Variants in PDZD2 observed in about 807,000 individuals in gnomAD.
PDZD2 encodes PDZ domain-containing protein 2.
Under a neutral mutation model 220.7 loss-of-function variants are expected in PDZD2, and 90 were observed. The ratio of observed to expected loss-of-function variants is 0.41; its 90% CI spans 0.34 to 0.49. The LOEUF is 0.49. PDZD2 is among the 20% of genes least tolerant of loss of function. PDZD2 has a pLI of 0.28. For synonymous variants in PDZD2, 1,375 were observed against 1,450.5 expected (o/e 0.95, Z 1.18); for missense variants, 3,174 against 3,608.5 (o/e 0.88, Z 3.08).
In PDZD2 at chr5:31,876,112, A is replaced by G. The variant is rs139100639; in HGVS notation, c.476+76388A>G. The stretch of plus-strand genomic sequence containing the variant: ...AAGGTTTATCACTTCATTAATCCAA[A>G]TATTCTTTTGTATCCTTCAATAAAG... On this transcript the variant is annotated intron_variant, in intron 2 of 24. Coordinates refer to ENST00000438447, the MANE Select transcript of PDZD2 (RefSeq NM_178140.4). 9.2e-5 allele frequency among the ~76,000 whole-genome samples: 14 copies of G among 152,128 alleles called. No homozygotes were observed. In the East Asian group the frequency reaches 2.3e-3, roughly 25 times the overall value.
At chr5:31,957,475 A>G (rs1747820192) in intron 2 of PDZD2, among the ~76,000 whole-genome samples, 1 of 152,194 alleles carries the variant, frequency 6.6e-6, no homozygotes, top group Non-Finnish European at 1.5e-5. Flanking sequence ...AAAATCAGAA[A>G]ATAATTGCTT....
chr5:31,640,288 A>T (rs1744898577), intron 1 of PDZD2, among the ~76,000 whole-genome samples: 1 of 152,196 alleles, frequency 6.6e-6, no homozygotes, highest in Admixed American at 6.5e-5. Context: ...GAGTGGGAAG[A>T]GGACAAGGTC....
intron 6 of PDZD2, among the ~76,000 whole-genome samples, chr5:32,016,262 C>G (rs1045189862): frequency 2.0e-5 from 3 of 152,116 alleles, no homozygotes; most frequent in African/African-American, 7.2e-5. Flanking sequence ...GATCAAATGT[C>G]CGCTCTAAAT....
intron 2 of PDZD2, among the ~76,000 whole-genome samples, chr5:31,935,349 C>G (rs1234415587): frequency 6.6e-6 from 1 of 152,156 alleles, no homozygotes; most frequent in East Asian, 1.9e-4. Context: ...ATAATAGAAA[C>G]TACTATATAT....
intron 2 of PDZD2, among the ~76,000 whole-genome samples, chr5:31,832,243 T>G (rs1245696453): frequency 1.3e-5 from 2 of 152,080 alleles, no homozygotes; most frequent in Admixed American, 1.3e-4. Flanking sequence ...GAAAATGAAA[T>G]GGAAGTTACC....
intron 1 of PDZD2, among the ~76,000 whole-genome samples, chr5:31,658,109 G>A (rs1029774686): frequency 1.3e-5 from 2 of 152,150 alleles, no homozygotes; most frequent in African/African-American, 4.8e-5. Flanking sequence ...TGTTTGGATT[G>A]GTGCAATCGC....
intron 2 of PDZD2, among the ~76,000 whole-genome samples, chr5:31,902,148 T>C (rs970343140): frequency 2.0e-5 from 3 of 152,236 alleles, no homozygotes; most frequent in African/African-American, 7.2e-5. Context: ...GTTTAACATT[T>C]TGAAGAACTG....
intron 2 of PDZD2, among the ~76,000 whole-genome samples, chr5:31,904,616 C>T (rs1224333660): frequency 1.3e-5 from 2 of 152,086 alleles, no homozygotes; most frequent in African/African-American, 2.4e-5. Context: ...CAAGCTCCGC[C>T]TCCTGGGTTC....
At chr5:31,880,799 T>TTTTTTTC (rs1739812462) in intron 2 of PDZD2, among the ~76,000 whole-genome samples, 13 of 43,908 alleles carry the variant, frequency 3.0e-4, no homozygotes, top group African/African-American at 1.8e-4. Context: ...TTCTTTTTTT[T>TTTTTTTC]TTTTTTTTTT....
chr5:31,821,632 G>A (rs1183058014), intron 2 of PDZD2, among the ~76,000 whole-genome samples: 1 of 152,110 alleles, frequency 6.6e-6, no homozygotes, highest in Non-Finnish European at 1.5e-5. Context: ...ACCCGCCTCG[G>A]CCTCCCAAAG....
intron 1 of PDZD2, among the ~76,000 whole-genome samples, chr5:31,697,026 C>T (rs760625689): frequency 3.9e-5 from 6 of 152,196 alleles, no homozygotes; most frequent in Non-Finnish European, 7.3e-5. Context: ...TTTAATTGTG[C>T]TCATAGGGGC....
At position 32,037,248 on chromosome 5, in the gene PDZD2, A is replaced by T; in HGVS notation, c.1425A>T (p.Glu475Asp). The change falls in exon 7 of 25, where the codon GAA becomes GAT. Residue 475 changes from glutamate to aspartate, a missense_variant. Glu to Asp is a conservative substitution (Grantham distance 45). Transcript: ENST00000438447. ...CATTTCAGATGCCTGGGACAGATGAACCCCAAGATGTGTGCGGTGCTGAGG... is the reference window on the plus strand; with the variant it reads ...CATTTCAGATGCCTGGGACAGATGATCCCCAAGATGTGTGCGGTGCTGAGG... ...SVQRAMPGTD[E>D]PQDVCGAEES... 1 of 1,612,768 alleles carries T rather than the reference A, an allele frequency of 6.2e-7. No individual in the cohort carries two copies.
At chr5:31,658,867 C>T (rs1745656808) in intron 1 of PDZD2, among the ~76,000 whole-genome samples, 1 of 152,134 alleles carries the variant, frequency 6.6e-6, no homozygotes, top group Admixed American at 6.5e-5. Flanking sequence ...GATCCGCCCG[C>T]CTCATCATCC....
intron 2 of PDZD2, among the ~76,000 whole-genome samples, chr5:31,923,098 G>A (rs1414981885): frequency 2.7e-5 from 4 of 150,362 alleles, no homozygotes; most frequent in African/African-American, 7.3e-5. Context: ...TTCAAGACCA[G>A]CCTGGCCAAC....
chr5:31,871,630 T>C (rs1738804408), intron 2 of PDZD2, among the ~76,000 whole-genome samples: 1 of 151,760 alleles, frequency 6.6e-6, no homozygotes, highest in Non-Finnish European at 1.5e-5. Context: ...TTTGTATTTT[T>C]AGTAGACTGG....
chr5:31,814,047 A>G (rs564031285), intron 2 of PDZD2, among the ~76,000 whole-genome samples: 1 of 152,200 alleles, frequency 6.6e-6, no homozygotes, highest in South Asian at 2.1e-4. Context: ...TTTAAAAAAG[A>G]ATATTTGCTT....
Position 31,869,679 on chromosome 5 carries a change from G to A in PDZD2, c.476+69955G>A, listed in dbSNP as rs547308813. On this transcript the variant is annotated intron_variant, in intron 2 of 24. Transcript: ENST00000438447. ...TTCAGTCACTGAAATAGGTAGTGAC[G>A]GGGACTCCCTTGAAGATCCCAAGGT... Among the ~76,000 whole-genome samples, 20 of 152,244 alleles carry A rather than the reference G, an allele frequency of 1.3e-4. No individual in the cohort carries two copies. In the South Asian group the frequency reaches 1.9e-3, roughly 14 times the overall value.
intron 1 of PDZD2, among the ~76,000 whole-genome samples, chr5:31,662,581 C>T (rs1232608895): frequency 6.6e-6 from 1 of 152,194 alleles, no homozygotes; most frequent in African/African-American, 2.4e-5. Context: ...AGGGATGGTG[C>T]CTTCTAGCTG....
In PDZD2 at chr5:31,702,010, C is replaced by T. The variant is rs138576823; in HGVS notation, c.-361+62573C>T. On this transcript the variant is annotated intron_variant, in intron 1 of 24. Coordinates refer to ENST00000438447, the MANE Select transcript of PDZD2 (RefSeq NM_178140.4). ...TGCATGGAACTGGCTTCTAAGCAGCCACATGGCCTGTGTTCCTGAAGAAAC... is the reference window on the plus strand; with the variant it reads ...TGCATGGAACTGGCTTCTAAGCAGCTACATGGCCTGTGTTCCTGAAGAAAC... 1.1e-3 allele frequency among the ~76,000 whole-genome samples: 166 copies of T among 152,316 alleles called. 1 individual carries two copies. The highest frequency in any genetic ancestry group is 3.8e-3 in the African/African-American group (160 of 41,572).
Sources: allele counts gnomAD v4.1 joint callset (sites outside exome capture counted in the v4.1 genomes callset), GRCh38; gene constraint gnomAD v4.1.1; transcripts MANE v1.5; gene names NCBI Gene and HGNC (gene_info 2026-07-23, HGNC 2026-07-21).